The following DIP2A variants were observed in gnomAD, a reference collection of about 807,000 sequenced individuals.
DIP2A encodes DIP2 acetate--CoA ligase A, also known as disco-interacting protein 2 homolog A.
In DIP2A, 85 loss-of-function variants were observed where a neutral mutation model predicts 177.4. The ratio of observed to expected loss-of-function variants is 0.48; its 90% confidence interval spans 0.40 to 0.57. DIP2A has a LOEUF of 0.57. DIP2A is among the 20% of genes least tolerant of loss of function. The pLI is 0.00. For synonymous variants in DIP2A, 886 were observed against 881.8 expected (o/e 1.00, Z -0.08); for missense variants, 1,791 against 2,100.2 (o/e 0.85, Z 2.88).
intron 5 of DIP2A, among the ~76,000 whole-genome samples, chr21:46,501,707 GC>G (rs2057661616): frequency 6.6e-6 from 1 of 152,204 alleles, no homozygotes; most frequent in Admixed American, 6.5e-5. Flanking sequence ...ATAGGAATGA[GC>G]CACTGCTCCC....
At chr21:46,546,889 G>C in intron 20 of DIP2A, 26 bp from the exon 21 acceptor site, 2 of 1,612,598 alleles carry the variant, frequency 1.2e-6, no homozygotes, top group Non-Finnish European at 1.7e-6. Flanking sequence ...TGTGGGTGGA[G>C]TCTTGACGCA....
At chr21:46,562,800 A>G (rs2060711170) in intron 34 of DIP2A, among the ~76,000 whole-genome samples, 1 of 152,028 alleles carries the variant, frequency 6.6e-6, no homozygotes, top group Non-Finnish European at 1.5e-5. Flanking sequence ...GGGTGAGCTT[A>G]GTGGACAGCA....
chr21:46,504,253 A>C (rs938584002), intron 5 of DIP2A, 108 bp from the exon 6 acceptor site: 1 of 1,438,196 alleles, frequency 7.0e-7, no homozygotes, highest in Non-Finnish European at 9.6e-7. Flanking sequence ...CACTCTCCCC[A>C]CTTAGAACTC....
intron 6 of DIP2A, among the ~76,000 whole-genome samples, chr21:46,506,277 C>G (rs1326580206): frequency 6.6e-6 from 1 of 151,984 alleles, no homozygotes; most frequent in Non-Finnish European, 1.5e-5. Flanking sequence ...GCCACCACGC[C>G]CAGTTAATTT....
At chr21:46,540,175 T>C (rs1284893633) in intron 17 of DIP2A, among the ~76,000 whole-genome samples, 184 bp downstream of exon 17, 1 of 152,206 alleles carries the variant, frequency 6.6e-6, no homozygotes, top group Non-Finnish European at 1.5e-5. Context: ...AGGAACTTCC[T>C]GGGCCATACT....
At position 46,569,323 on chromosome 21, in the gene DIP2A, C is replaced by G. The variant is rs976273402; in HGVS notation, c.*1701C>G. The G allele has an allele frequency of 6.6e-6, 1 of 152,002 alleles. No homozygotes were observed. The highest frequency in any genetic ancestry group is 2.4e-5 in the African/African-American group (1 of 41,362). 9.4% of individuals were successfully genotyped at this position (152,002 alleles called of 1,614,324 possible). ...CACTGTGCATAGTAGCCCTGTTTCC[C>G]CATGGTGTTGGACTGTGGTAAAGTA... On this transcript the variant is annotated 3_prime_UTR_variant, in exon 38 of 38. Coordinates refer to ENST00000417564, the MANE Select transcript of DIP2A (RefSeq NM_015151.4).
chr21:46,530,772 T>C (rs1200110580), intron 9 of DIP2A, among the ~76,000 whole-genome samples: 7 of 152,080 alleles, frequency 4.6e-5, no homozygotes. Context: ...GCCCATAATA[T>C]TGCATAATAC....
At chr21:46,515,572 G>C (rs138328790) in intron 8 of DIP2A, among the ~76,000 whole-genome samples, 1 of 151,488 alleles carries the variant, frequency 6.6e-6, no homozygotes, top group African/African-American at 2.4e-5. Flanking sequence ...GGTTGTGTTC[G>C]GTCACCCAGG....
intron 8 of DIP2A, among the ~76,000 whole-genome samples, chr21:46,514,270 T>TA (rs989213477): frequency 4.4e-4 from 67 of 151,546 alleles, no homozygotes; most frequent in African/African-American, 1.5e-3. Context: ...CCGTCTCTAC[T>TA]AAAAAAAATA....
intron 2 of DIP2A, among the ~76,000 whole-genome samples, chr21:46,489,907 G>A (rs1036000073): frequency 4.6e-5 from 7 of 152,132 alleles, no homozygotes; most frequent in Admixed American, 6.5e-5. Context: ...TCTGTGACCA[G>A]GGGACCACTG....
In DIP2A at chr21:46,534,090, G is replaced by A. The variant is rs374637945; in HGVS notation, c.1516G>A (p.Gly506Arg). 38 of 1,613,500 alleles carry A rather than the reference G, an allele frequency of 2.4e-5. No individual in the cohort carries two copies. In the African/African-American group the frequency reaches 4.3e-4, roughly 18 times the overall value. The change falls in exon 12 of 38, where the codon GGG becomes AGG. Residue 506 changes from glycine (G) to arginine (R), a missense_variant. Gly to Arg is a moderately radical substitution (Grantham distance 125). Transcript: ENST00000417564. The stretch of plus-strand genomic sequence containing the variant: ...CTGGCACCCTCTGGCCCAGGACACA[G>A]GGACTGGGACTGCCTACATTGAGGT... ...KDWHPLAQDTGTGTAYIEYKT... is the reference protein window; with the variant it reads ...KDWHPLAQDTRTGTAYIEYKT...
intron 2 of DIP2A, 142 bp from the exon 3 acceptor site, chr21:46,490,458 G>A (rs898550137): frequency 9.9e-6 from 10 of 1,008,430 alleles, no homozygotes; most frequent in Admixed American, 2.9e-5. Flanking sequence ...GCATTTATGC[G>A]TCTATCACTG....
At chr21:46,532,962 A>G (rs2059414083) in intron 10 of DIP2A, among the ~76,000 whole-genome samples, 1 of 152,240 alleles carries the variant, frequency 6.6e-6, no homozygotes, top group African/African-American at 2.4e-5. Context: ...TTGCAAATCA[A>G]ACTAGTGTAT....
chr21:46,517,250 T>TC (rs1055736252), intron 8 of DIP2A, among the ~76,000 whole-genome samples: 5 of 151,902 alleles, frequency 3.3e-5, no homozygotes, highest in South Asian at 4.2e-4. Flanking sequence ...TTTCTTATTT[T>TC]CTTTTTTTTA....
Position 46,557,927 on chromosome 21 carries a change from GTC to G in DIP2A, c.3798+178_3798+179del, listed in dbSNP as rs2060523879. ...ACATCTGTCCTCCCACGGCCCACCT[GTC>G]TCTGCAGCTCCACACCCCGCAGGAG... On this transcript the variant is annotated intron_variant, in intron 31 of 37. Transcript: ENST00000417564. This position sits in a 1 kb window ranked among gnomAD's most constrained non-coding sequence, Gnocchi z 6.0. 6.6e-6 allele frequency among the ~76,000 whole-genome samples: 1 copy of G among 152,220 alleles called. No homozygotes were observed. Among genetic ancestry groups the G allele is most frequent in the Non-Finnish European group, 1.5e-5 (1 of 68,022 alleles).
intron 9 of DIP2A, among the ~76,000 whole-genome samples, chr21:46,529,734 G>GA (rs2059276869): frequency 6.6e-6 from 1 of 151,812 alleles, no homozygotes; most frequent in Non-Finnish European, 1.5e-5. Flanking sequence ...TTTTCTGTTT[G>GA]ACTTCATATA....
chr21:46,551,256 C>T (rs1489498140), intron 23 of DIP2A, among the ~76,000 whole-genome samples: 1 of 152,098 alleles, frequency 6.6e-6, no homozygotes, highest in Non-Finnish European at 1.5e-5. Context: ...TTAGTACATG[C>T]CAAAGTTTTT....
At chr21:46,497,182 A>G (rs530313296) in intron 4 of DIP2A, 75 bp downstream of exon 4, 1 of 1,522,108 alleles carries the variant, frequency 6.6e-7, no homozygotes. Context: ...TTTACTTCCC[A>G]TTGAGTTGGA....
the DIP2A span, among the ~76,000 whole-genome samples, chr21:46,575,338 T>C: frequency 6.6e-6 from 1 of 152,182 alleles, no homozygotes; most frequent in African/African-American, 2.4e-5. Context: ...AGTGAAAATC[T>C]GCAGAAGCTT....
Sources: allele counts gnomAD v4.1 joint callset (sites outside exome capture counted in the v4.1 genomes callset), GRCh38; gene constraint gnomAD v4.1.1; non-coding constraint Gnocchi (gnomAD v3.1); transcripts MANE v1.5; gene names NCBI Gene and HGNC (gene_info 2026-07-23, HGNC 2026-07-21).